The following FNTB variants were observed in gnomAD, a reference collection of about 807,000 sequenced individuals.
FNTB encodes the protein farnesyltransferase, CAAX box, subunit beta.
In FNTB, 27 loss-of-function variants were observed where a neutral mutation model predicts 59.4. The observed-to-expected ratio is 0.45, with a 90% CI of 0.34 to 0.63. The LOEUF is 0.63. Ranked by LOEUF, FNTB falls within the 20% of genes least tolerant of loss-of-function variation. The probability of loss-of-function intolerance (pLI) is 0.02; values close to 1 mark genes in which losing one functional copy is unlikely to be tolerated. For missense variants in FNTB, 449 were observed against 559.6 expected, an observed-to-expected ratio of 0.80 and a Z score of 1.99; for synonymous variants, 230 against 220.7, an observed-to-expected ratio of 1.04 and a Z score of -0.37.
rs531471652 is a variant in FNTB, at chr14:65,044,299, G to A, written c.823-12G>A. ...TAGCCTACAACTGCCTTTCCCATCT[G>A]TGTCTCCTCAGCAATGGGTGACAAG... On this transcript the variant is annotated splice_polypyrimidine_tract_variant and intron_variant, in intron 8 of 11. Coordinates refer to ENST00000246166, the MANE Select transcript of FNTB (RefSeq NM_002028.4). The surrounding 1 kb of genome is among the most constrained non-coding windows in gnomAD (Gnocchi z 5.5). 8.9e-5 allele frequency: 143 copies of A among 1,612,356 alleles called. 1 individual carries two copies. The South Asian group carries it at 1.5e-3, about 17-fold the overall frequency.
At chr14:65,039,146 AGTGGGCAG>A (rs2062285837) in intron 7 of FNTB, among the ~76,000 whole-genome samples, 1 of 152,158 alleles carries the variant, frequency 6.6e-6, no homozygotes, top group African/African-American at 2.4e-5. Flanking sequence ...GCTCTGCGAG[AGTGGGCAG>A]GATCAAGCCA....
chr14:65,038,501 C>T (rs547157895), intron 7 of FNTB, among the ~76,000 whole-genome samples: 31 of 152,130 alleles, frequency 2.0e-4, no homozygotes, highest in Admixed American at 3.3e-4. Flanking sequence ...AGGCAGATCA[C>T]GAGGTCAGGA....
chr14:65,052,318 A>G (rs1198337514), intron 9 of FNTB, among the ~76,000 whole-genome samples: 2 of 152,196 alleles, frequency 1.3e-5, no homozygotes, highest in Non-Finnish European at 2.9e-5. Context: ...CATAGAACCA[A>G]AAAGACTGGA....
chr14:65,024,607 A>G (rs1393979279), intron 4 of FNTB, among the ~76,000 whole-genome samples: 1 of 152,226 alleles, frequency 6.6e-6, no homozygotes, highest in African/African-American at 2.4e-5. Flanking sequence ...CTGACGTTAA[A>G]GAAAATTGAT....
At chr14:65,019,181 G>GA (rs1322701241) in intron 4 of FNTB, among the ~76,000 whole-genome samples, 3 of 148,234 alleles carry the variant, frequency 2.0e-5, no homozygotes, top group Non-Finnish European at 3.0e-5. Flanking sequence ...CTCAAAAAAA[G>GA]AAAAAGAAAA....
intron 7 of FNTB, 62 bp from the exon 8 acceptor site, chr14:65,040,728 T>C: frequency 6.4e-7 from 1 of 1,571,974 alleles, no homozygotes; most frequent in Non-Finnish European, 8.7e-7. Flanking sequence ...CCTAGGATGG[T>C]CCTGGTCTTG....
rs1566870396 is a variant in FNTB at position 65,014,885 on chromosome 14, A to G, written c.283-740A>G. ...GTCTAATACAGTGCTTGGCACAAGTAGATACTATCAAATATTTGTTGAATC... is the reference window on the plus strand; with the variant it reads ...GTCTAATACAGTGCTTGGCACAAGTGGATACTATCAAATATTTGTTGAATC... On this transcript the variant is annotated intron_variant, in intron 3 of 11. Coordinates refer to ENST00000246166, the MANE Select transcript of FNTB (RefSeq NM_002028.4). The surrounding 1 kb of genome is among the most constrained non-coding windows in gnomAD (Gnocchi z 5.1). Among the ~76,000 whole-genome samples the G allele has an allele frequency of 6.6e-6, 1 of 152,176 alleles. No individual in the cohort carries two copies. Among genetic ancestry groups the G allele is most frequent in the Non-Finnish European group, 1.5e-5 (1 of 68,026 alleles).
intron 8 of FNTB, 31 bp downstream of exon 8, chr14:65,040,950 G>A: frequency 6.2e-7 from 1 of 1,608,694 alleles, no homozygotes; most frequent in Non-Finnish European, 8.5e-7. Flanking sequence ...CCCCCTCTCA[G>A]GCCCCAGGTC....
In FNTB at chr14:64,997,049, T is replaced by A. The variant is rs906653177; in HGVS notation, c.145-7200T>A. On this transcript the variant is annotated intron_variant, in intron 1 of 11. Coordinates refer to ENST00000246166, the MANE Select transcript of FNTB (RefSeq NM_002028.4). This position sits in a 1 kb window ranked among gnomAD's most constrained non-coding sequence, Gnocchi z 4.5. Reference sequence around the variant, plus strand: ...AGTAAAAAAAAAAATAGAAACAGAGTCTTGCTTGATCAGTTGGAGTCTTGT... The same window carrying A: ...AGTAAAAAAAAAAATAGAAACAGAGACTTGCTTGATCAGTTGGAGTCTTGT... Among the ~76,000 whole-genome samples, 2 of 151,490 alleles carry A rather than the reference T, an allele frequency of 1.3e-5. No individual in the cohort carries two copies. Among genetic ancestry groups the A allele is most frequent in the African/African-American group, 4.9e-5 (2 of 41,190 alleles).
In FNTB at chr14:64,991,648, G is replaced by C. The variant is rs958389196; in HGVS notation, c.144+4551G>C. Among the ~76,000 whole-genome samples the C allele has an allele frequency of 5.3e-5, 8 of 152,146 alleles. No homozygotes were observed. The highest frequency in any genetic ancestry group is 1.4e-4 in the African/African-American group (6 of 41,434). Reference sequence around the variant, plus strand: ...AGAATATGCTATAGGCAGTCACAGAGTGCTAAATTATAACTGCTTTGCACG... The same window carrying C: ...AGAATATGCTATAGGCAGTCACAGACTGCTAAATTATAACTGCTTTGCACG... On this transcript the variant is annotated intron_variant, in intron 1 of 11. Coordinates refer to ENST00000246166, the MANE Select transcript of FNTB (RefSeq NM_002028.4). The surrounding 1 kb of genome is among the most constrained non-coding windows in gnomAD (Gnocchi z 4.4).
intron 2 of FNTB, among the ~76,000 whole-genome samples, chr14:65,010,622 A>G (rs2061667912): frequency 6.6e-6 from 1 of 152,180 alleles, no homozygotes; most frequent in South Asian, 2.1e-4. Context: ...CATACTGACT[A>G]CCTACTGTTT....
At chr14:65,048,426 G>T (rs909786589) in intron 9 of FNTB, among the ~76,000 whole-genome samples, 1 of 152,028 alleles carries the variant, frequency 6.6e-6, no homozygotes, top group African/African-American at 2.4e-5. Flanking sequence ...AAAGCAAAAA[G>T]AATGCTCTAC....
chr14:65,016,554 C>G (rs1475360558), intron 4 of FNTB: 1 of 152,246 alleles, frequency 6.6e-6, no homozygotes, highest in African/African-American at 2.4e-5. Flanking sequence ...CACAAGGAGG[C>G]AGCTGTGCTG....
intron 4 of FNTB, among the ~76,000 whole-genome samples, chr14:65,019,887 T>C (rs1566873449): frequency 6.6e-6 from 1 of 152,246 alleles, no homozygotes; most frequent in South Asian, 2.1e-4. Flanking sequence ...AGAAGATTTT[T>C]TTTAGACTAG....
At position 65,030,490 on chromosome 14, in the gene FNTB, A is replaced by G. The variant is rs1396208108; in HGVS notation, c.606-2120A>G. Among the ~76,000 whole-genome samples, 1 of 152,172 alleles carries G rather than the reference A, an allele frequency of 6.6e-6. No individual in the cohort carries two copies. The highest frequency in any genetic ancestry group is 1.9e-4 in the East Asian group (1 of 5,186). ...GCAGTGGCTCATGTCTGTAATCTCAACACTTTGAGAGACTGAGATGAGAGA... is the reference window on the plus strand; with the variant it reads ...GCAGTGGCTCATGTCTGTAATCTCAGCACTTTGAGAGACTGAGATGAGAGA... On this transcript the variant is annotated intron_variant, in intron 6 of 11. Transcript: ENST00000246166. This position sits in a 1 kb window ranked among gnomAD's most constrained non-coding sequence, Gnocchi z 4.5.
At chr14:65,002,160 A>AG (rs1055857423) in intron 1 of FNTB, among the ~76,000 whole-genome samples, 12 of 152,194 alleles carry the variant, frequency 7.9e-5, no homozygotes, top group Admixed American at 7.2e-4. Flanking sequence ...TCAAAAAAAA[A>AG]CATGTCTCAC....
At chr14:65,017,413 C>T (rs1157488746) in intron 4 of FNTB, among the ~76,000 whole-genome samples, 5 of 152,020 alleles carry the variant, frequency 3.3e-5, no homozygotes, top group South Asian at 2.1e-4. Context: ...TGGAGGAGGC[C>T]GCAGACCCAT....
chr14:65,060,884 A>C (rs1477388281), intron 11 of FNTB, among the ~76,000 whole-genome samples: 3 of 151,348 alleles, frequency 2.0e-5, no homozygotes, highest in Non-Finnish European at 4.4e-5. Flanking sequence ...AAAAAAAAAA[A>C]AAAAAAAAAA....
At chr14:65,046,975 A>G (rs532542075) in intron 9 of FNTB, among the ~76,000 whole-genome samples, 1 of 152,368 alleles carries the variant, frequency 6.6e-6, no homozygotes, top group East Asian at 1.9e-4. Flanking sequence ...AAAGGTGCGA[A>G]AAATATTTAT....
Sources: allele counts gnomAD v4.1 joint callset (sites outside exome capture counted in the v4.1 genomes callset), GRCh38; gene constraint gnomAD v4.1.1; non-coding constraint Gnocchi (gnomAD v3.1); transcripts MANE v1.5; gene names NCBI Gene and HGNC (gene_info 2026-07-23, HGNC 2026-07-21).